CNTN5: variants seen among roughly 807,000 people sequenced by gnomAD.
The protein encoded by CNTN5 is contactin-5.
In CNTN5, 77 loss-of-function variants were observed where a neutral mutation model predicts 129.1. The ratio of observed to expected loss-of-function variants is 0.60; its 90% CI spans 0.50 to 0.72. The LOEUF (loss-of-function observed/expected upper bound fraction) is 0.72, where lower values mean the gene tolerates loss of function less well. CNTN5 is among the 30% of genes least tolerant of loss of function. The pLI is 0.00. For synonymous variants in CNTN5, 509 were observed against 465.6 expected, an observed-to-expected ratio of 1.09 and a Z score of -1.20; for missense variants, 1,478 against 1,328.8, an observed-to-expected ratio of 1.11 and a Z score of -1.75.
rs180996992 is a variant in CNTN5, at chr11:99,524,811, A to G, written c.-70-31334A>G. Among the ~76,000 whole-genome samples the G allele has an allele frequency of 4.9e-3, 752 of 152,152 alleles. 2 individuals carry two copies. Among genetic ancestry groups the G allele is most frequent in the Non-Finnish European group, 8.2e-3 (556 of 67,988 alleles). On this transcript the variant is annotated intron_variant, in intron 2 of 24. Transcript: ENST00000524871. ...GAGCAAGATTCCATCTCAAAAAAAA[A>G]CAAAAAAAAAGTGTATTTATATGTA...
chr11:99,590,578 C>A (rs1341256846), intron 3 of CNTN5, among the ~76,000 whole-genome samples: 1 of 152,170 alleles, frequency 6.6e-6, no homozygotes, highest in Non-Finnish European at 1.5e-5. Flanking sequence ...ATATTTAGAT[C>A]TCTGTACAAA....
chr11:99,515,085 C>T (rs1946995967), intron 2 of CNTN5, among the ~76,000 whole-genome samples: 1 of 151,952 alleles, frequency 6.6e-6, no homozygotes, highest in South Asian at 2.1e-4. Context: ...AAACAGGTCA[C>T]TGAACAAAAA....
At chr11:99,381,487 C>G (rs77153236) in intron 2 of CNTN5, among the ~76,000 whole-genome samples, 4,448 of 152,138 alleles carry the variant, frequency 0.029, 209 homozygotes, top group African/African-American at 0.1. Context: ...TGGCTGTATG[C>G]AGAAGGCCTT....
chr11:99,737,155 ACACACACG>A (rs1388962336), intron 3 of CNTN5, among the ~76,000 whole-genome samples: 2 of 151,914 alleles, frequency 1.3e-5, no homozygotes, highest in African/African-American at 2.4e-5. Context: ...ACACACACAC[ACACACACG>A]CACACGCACA....
At chr11:100,035,134 A>G (rs1455774075) in intron 9 of CNTN5, among the ~76,000 whole-genome samples, 2 of 151,830 alleles carry the variant, frequency 1.3e-5, no homozygotes, top group Non-Finnish European at 2.9e-5. Context: ...CTCCCACCCC[A>G]CAACAGTCCC....
chr11:99,483,955 T>C (rs1945706232), intron 2 of CNTN5, among the ~76,000 whole-genome samples: 1 of 152,052 alleles, frequency 6.6e-6, no homozygotes, highest in Non-Finnish European at 1.5e-5. Context: ...GTAAAACTAG[T>C]AGAAGAAAAC....
chr11:100,178,044 T>G (rs981067653), intron 13 of CNTN5, among the ~76,000 whole-genome samples: 1 of 152,046 alleles, frequency 6.6e-6, no homozygotes, highest in Non-Finnish European at 1.5e-5. Flanking sequence ...GTACCATTAT[T>G]TATGAAGGTT....
intron 24 of CNTN5, among the ~76,000 whole-genome samples, chr11:100,353,253 GTC>G: frequency 6.6e-6 from 1 of 151,580 alleles, no homozygotes; most frequent in East Asian, 1.9e-4. Flanking sequence ...TTACACTATT[GTC>G]TACCTTAGAC....
intron 3 of CNTN5, among the ~76,000 whole-genome samples, chr11:99,646,598 A>C (rs1278575806): frequency 6.6e-6 from 1 of 152,136 alleles, no homozygotes; most frequent in Non-Finnish European, 1.5e-5. Flanking sequence ...GTTGGCATGC[A>C]CTTATGTCCT....
chr11:99,340,419 A>G (rs984832159), intron 2 of CNTN5, among the ~76,000 whole-genome samples: 3 of 152,160 alleles, frequency 2.0e-5, no homozygotes, highest in African/African-American at 7.2e-5. Flanking sequence ...TAGATTACAG[A>G]GATGTGGATA....
At chr11:100,319,078 G>T (rs960965278) in intron 21 of CNTN5, among the ~76,000 whole-genome samples, 4 of 151,796 alleles carry the variant, frequency 2.6e-5, no homozygotes, top group Admixed American at 2.0e-4. Flanking sequence ...GACCCAGTTT[G>T]GGTCTCCTAT....
intron 1 of CNTN5, among the ~76,000 whole-genome samples, chr11:99,060,797 T>C (rs1304874331): frequency 6.6e-6 from 1 of 152,086 alleles, no homozygotes; most frequent in Admixed American, 6.6e-5. Flanking sequence ...TAGTAGTATA[T>C]TAAAAATAAA....
chr11:99,032,853 C>G (rs1308275902), intron 1 of CNTN5, among the ~76,000 whole-genome samples: 1 of 144,412 alleles, frequency 6.9e-6, no homozygotes, highest in Non-Finnish European at 1.5e-5. Context: ...ATGCCTATGT[C>G]CTGAATGGTA....
intron 2 of CNTN5, among the ~76,000 whole-genome samples, chr11:99,526,194 G>T (rs982929116): frequency 1.3e-5 from 2 of 152,138 alleles, no homozygotes; most frequent in African/African-American, 2.4e-5. Flanking sequence ...ATAAAGAAGA[G>T]AAAATATTTA....
chr11:99,887,442 T>C (rs916900529), intron 6 of CNTN5, among the ~76,000 whole-genome samples: 7 of 152,248 alleles, frequency 4.6e-5, no homozygotes, highest in African/African-American at 7.2e-5. Context: ...TGTAATTTAC[T>C]AGCTGAATGT....
chr11:99,111,045 G>C (rs1857770516), intron 1 of CNTN5, among the ~76,000 whole-genome samples: 1 of 152,004 alleles, frequency 6.6e-6, no homozygotes, highest in Admixed American at 6.6e-5. Flanking sequence ...ATTTTTCATA[G>C]ATAGTATGAA....
At chr11:99,179,717 C>T (rs1455326322) in intron 1 of CNTN5, among the ~76,000 whole-genome samples, 1 of 152,076 alleles carries the variant, frequency 6.6e-6, no homozygotes, top group African/African-American at 2.4e-5. Flanking sequence ...GGGTGCTGTT[C>T]ATATTGTGTT....
chr11:100,028,566 C>A (rs1171842972), intron 9 of CNTN5, among the ~76,000 whole-genome samples: 1 of 152,148 alleles, frequency 6.6e-6, no homozygotes, highest in African/African-American at 2.4e-5. Context: ...TAACATTCTC[C>A]TTCTTTCTGA....
At chr11:99,192,797 C>T (rs547669893) in intron 1 of CNTN5, among the ~76,000 whole-genome samples, 13 of 152,142 alleles carry the variant, frequency 8.5e-5, no homozygotes, top group African/African-American at 3.1e-4. Flanking sequence ...CAGATTTTTA[C>T]TTACTGTTAT....
Sources: gnomAD v4.1 joint callset for allele counts (sites outside exome capture counted in the v4.1 genomes callset) on GRCh38, gnomAD v4.1.1 for gene constraint, MANE v1.5 for transcripts, NCBI Gene and HGNC (gene_info 2026-07-23, HGNC 2026-07-21) for gene names.